Variants in CHD4 observed in about 807,000 individuals in gnomAD.
CHD4 encodes the protein ATP-dependent chromatin remodeler CHD4.
In CHD4, 35 loss-of-function variants were observed where a neutral mutation model predicts 235.5. The ratio of observed to expected loss-of-function variants is 0.15; its 90% CI spans 0.11 to 0.20. The LOEUF is 0.20. CHD4 is among the 10% of genes least tolerant of loss of function. The pLI is 1.00. For missense variants in CHD4, 1,329 were observed against 2,432.3 expected (o/e 0.55, Z 9.54); for synonymous variants, 900 against 850.2 (o/e 1.06, Z -1.02).
Position 6,594,570 on chromosome 12 carries a change from C to A in CHD4, c.2202G>T (p.Leu734=). The change falls in exon 15 of 40, where the codon CTG becomes CTT. Residue 734 remains leucine (L), a synonymous_variant. Coordinates refer to ENST00000544040, the MANE Select transcript of CHD4 (RefSeq NM_001273.5). The stretch of plus-strand genomic sequence containing the variant: ...GAGCCCAGGAGAAGCGCAACCAATT[C>A]AGGCCCTCCATTTGATAGGGGTGCA... ...GTLHPYQMEG[L]NWLRFSWAQG... 1 of 1,614,206 alleles carries A rather than the reference C, an allele frequency of 6.2e-7. No individual in the cohort carries two copies. Among genetic ancestry groups the A allele is most frequent in the Non-Finnish European group, 8.5e-7 (1 of 1,180,028 alleles).
At position 6,606,350 on chromosome 12, in the gene CHD4, C is replaced by T; in HGVS notation, c.24G>A (p.Pro8=). The change falls in exon 2 of 40, where the codon CCG becomes CCA. Residue 8 remains proline, a synonymous_variant. Coordinates refer to ENST00000544040, the MANE Select transcript of CHD4 (RefSeq NM_001273.5). MASGLGS[P]SPCSAGSEEE... is the part of the protein sequence containing the mutation. ...CCTCACTGCCCGCCGAGCAGGGGGA[C>T]GGGGAGCCCAGGCCCGACGCCATCC... is the stretch of plus-strand genomic sequence containing the variant. 1 of 1,570,904 alleles carries T rather than the reference C, an allele frequency of 6.4e-7. No individual in the cohort carries two copies. The highest frequency in any genetic ancestry group is 2.5e-5 in the East Asian group (1 of 39,696).
In CHD4 at chr12:6,591,330, C is replaced by T; in HGVS notation, c.3340+136G>A. 3 of 672,968 alleles carry T rather than the reference C, an allele frequency of 4.5e-6. No individual in the cohort carries two copies. In the South Asian group the frequency reaches 5.7e-5, roughly 13 times the overall value. 41.7% of individuals were successfully genotyped at this position (672,968 alleles called of 1,614,324 possible). ...GTCCAATACATTCGTCCAATTGAGA[C>T]ATTCAAAAGCTTTACTCCATCTCAA... On this transcript the variant is annotated intron_variant, in intron 22 of 39. Coordinates refer to ENST00000544040, the MANE Select transcript of CHD4 (RefSeq NM_001273.5).
At chr12:6,578,953 G>A in intron 33 of CHD4, 36 bp from the exon 34 acceptor site, 1 of 1,579,312 alleles carries the variant, frequency 6.3e-7, no homozygotes, top group Non-Finnish European at 8.7e-7. Context: ...TATACCTAAA[G>A]GAAGAACATT....
rs199588214 is a variant in CHD4 at position 6,599,553 on chromosome 12, T to A, written c.1482+220A>T. On this transcript the variant is annotated intron_variant, in intron 10 of 39. Transcript: ENST00000544040. ...TCTCAGCTAGAAGAACATTGCTTCA[T>A]CTCCTCTTAAGAGAGCTGGCAAAAC... 6.6e-5 allele frequency among the ~76,000 whole-genome samples: 10 copies of A among 152,302 alleles called. No individual in the cohort carries two copies. In the East Asian group the frequency reaches 1.7e-3, roughly 26 times the overall value.
Position 6,593,284 on chromosome 12 carries a change from C to T in CHD4, c.2515-56G>A. The T allele has an allele frequency of 6.2e-7, 1 of 1,609,714 alleles. No homozygotes were observed. The highest frequency in any genetic ancestry group is 8.5e-7 in the Non-Finnish European group (1 of 1,176,650). ...GTCAGTTCCTCTGTGTAAGCACAAC[C>T]AGGAGACTGATGGAATGTTTTCCTC... On this transcript the variant is annotated intron_variant, in intron 16 of 39. Transcript: ENST00000544040. This position sits in a 1 kb window ranked among gnomAD's most constrained non-coding sequence, Gnocchi z 4.9.
Position 6,581,830 on chromosome 12 carries a change from A to C in CHD4, c.4516-16T>G. The C allele has an allele frequency of 6.6e-7, 1 of 1,507,048 alleles. No individual in the cohort carries two copies. The highest frequency in any genetic ancestry group is 2.3e-5 in the East Asian group (1 of 43,508). The allele number at this position is 1,507,048 out of a possible 1,614,324, so 93.4% of individuals were successfully genotyped here. Reference sequence around the variant, plus strand: ...ACTCCTGAACCTGTAGCAATGGGACAAGAAGTTGAAGACCCAATTCCAGCT... The same window carrying C: ...ACTCCTGAACCTGTAGCAATGGGACCAGAAGTTGAAGACCCAATTCCAGCT... On this transcript the variant is annotated splice_polypyrimidine_tract_variant and intron_variant, in intron 30 of 39. Transcript: ENST00000544040.
Position 6,596,963 on chromosome 12 carries a change from A to G in CHD4, c.1893-826T>C, listed in dbSNP as rs137922586. On this transcript the variant is annotated intron_variant, in intron 12 of 39. Transcript: ENST00000544040. ...CACAGAGCAAGACTCTGTCTCAAAA[A>G]ATATAATAAATAAATAAATAAATAG... Among the ~76,000 whole-genome samples, 550 of 150,298 alleles carry G rather than the reference A, an allele frequency of 3.7e-3. 3 individuals carry two copies. The highest frequency in any genetic ancestry group is 0.013 in the African/African-American group (528 of 40,848).
rs1039300496 is a variant in CHD4 at position 6,582,769 on chromosome 12, G to A, written c.4237-21C>T. The A allele has an allele frequency of 3.7e-6, 6 of 1,614,114 alleles. No individual in the cohort carries two copies. The Admixed American group carries it at 1.0e-4, about 27-fold the overall frequency. On this transcript the variant is annotated intron_variant, in intron 28 of 39. Transcript: ENST00000544040. ...AGTACCTAGGGGAAGAAGAAACCCA[G>A]GTGAGAGGCAGCAGGTCGCATTCCA...
At chr12:6,577,578 CAT>C (rs895788715) in intron 37 of CHD4, 15 of 617,584 alleles carry the variant, frequency 2.4e-5, no homozygotes, top group South Asian at 5.9e-5. Context: ...TGATTGGACA[CAT>C]AGTCACCTAC....
At chr12:6,595,901 T>G in intron 13 of CHD4, 105 bp downstream of exon 13, 11 of 1,297,612 alleles carry the variant, frequency 8.5e-6, no homozygotes, top group Non-Finnish European at 1.1e-5. Flanking sequence ...GAGGTTGCAG[T>G]GAGTCAAGAT....
Position 6,591,532 on chromosome 12 carries a change from T to C in CHD4, c.3274A>G (p.Lys1092Glu). 1 of 1,614,258 alleles carries C rather than the reference T, an allele frequency of 6.2e-7. No homozygotes were observed. Among genetic ancestry groups the C allele is most frequent in the Non-Finnish European group, 8.5e-7 (1 of 1,180,048 alleles). Residue 1092 changes from lysine (K) to glutamate (E), a missense_variant, in exon 22 of 40, where the codon AAA becomes GAA. Coordinates refer to ENST00000544040, the MANE Select transcript of CHD4 (RefSeq NM_001273.5). ...ATTCCACCATCGATGCGTTCGTATT[T>C]ATAACCTTCATGTTCCAAGAAATCC... ...LEDFLEHEGYKYERIDGGITG... is the reference protein window; with the variant it reads ...LEDFLEHEGYEYERIDGGITG...
In CHD4 at chr12:6,600,643, T is replaced by C. The variant is rs1029085534; in HGVS notation, c.954A>G (p.Glu318=). The change falls in exon 8 of 40, where the codon GAA becomes GAG. Residue 318 remains glutamate (E), a synonymous_variant. Transcript: ENST00000544040. ...TGATACTGGCATCATCGAAGTCAGA[T>C]TCCACATCTAAGTCATCATCCTCAC... The part of the protein sequence containing the change: ...SSSEDDDLDV[E]SDFDDASINS... 10 of 1,614,028 alleles carry C rather than the reference T, an allele frequency of 6.2e-6. No homozygotes were observed. Among genetic ancestry groups the C allele is most frequent in the Non-Finnish European group, 8.5e-6 (10 of 1,180,028 alleles).
chr12:6,587,248 C>G (rs948095751), intron 25 of CHD4, 136 bp downstream of exon 25: 42 of 854,670 alleles, frequency 4.9e-5, no homozygotes, highest in Non-Finnish European at 7.1e-5. Context: ...GCTTTGTTTT[C>G]AAAGGAAGAG....
At chr12:6,590,249 T>C (rs1483051277) in intron 22 of CHD4, 1 of 152,192 alleles carries the variant, frequency 6.6e-6, no homozygotes, top group African/African-American at 2.4e-5. Context: ...ATGTCACAGA[T>C]AGCAGGAAGC....
intron 19 of CHD4, 35 bp from the exon 20 acceptor site, chr12:6,592,092 G>C (rs1188988859): frequency 6.2e-7 from 1 of 1,612,742 alleles, no homozygotes; most frequent in Admixed American, 1.7e-5. Flanking sequence ...GGTTAGACTT[G>C]AGAGCCTTTC....
rs1948432989 is a variant in CHD4, at chr12:6,593,322, C to A, written c.2514+94G>T. 6.3e-7 allele frequency: 1 copy of A among 1,598,006 alleles called. No homozygotes were observed. On this transcript the variant is annotated intron_variant, in intron 16 of 39. Transcript: ENST00000544040. The surrounding 1 kb of genome is among the most constrained non-coding windows in gnomAD (Gnocchi z 4.9). ...GAATGTTTTCCTCCTCCCAGGGTTA[C>A]CCTTTTGCCTCACCAGGGACCAGAT...
At chr12:6,607,046 G>C (rs1255165378) in intron 1 of CHD4, 1 of 151,374 alleles carries the variant, frequency 6.6e-6, no homozygotes, top group Non-Finnish European at 1.5e-5. Context: ...GGGCGAGGGG[G>C]TGGGCGCCGG....
Position 6,591,908 on chromosome 12 carries a change from C to A in CHD4, c.3090+8G>T. 5 of 1,614,234 alleles carry A rather than the reference C, an allele frequency of 3.1e-6. No individual in the cohort carries two copies. The highest frequency in any genetic ancestry group is 1.7e-6 in the Non-Finnish European group (2 of 1,180,032). ...ACCCAGGGAGGAACAGGAGATGGCA[C>A]TACATACCATTGCAGCCACAGGGAA... On this transcript the variant is annotated splice_region_variant and intron_variant, in intron 20 of 39. Coordinates refer to ENST00000544040, the MANE Select transcript of CHD4 (RefSeq NM_001273.5).
intron 38 of CHD4, chr12:6,571,313 C>A: frequency 2.8e-6 from 1 of 354,178 alleles, no homozygotes; most frequent in East Asian, 4.9e-5. Flanking sequence ...TCTTCTCTAC[C>A]TTCAGAATCT....
Sources: allele counts gnomAD v4.1 joint callset (sites outside exome capture counted in the v4.1 genomes callset), GRCh38; gene constraint gnomAD v4.1.1; non-coding constraint Gnocchi (gnomAD v3.1); transcripts MANE v1.5; gene names NCBI Gene and HGNC (gene_info 2026-07-23, HGNC 2026-07-21).